The following LOXL1 variants were observed in gnomAD, a reference collection of about 807,000 sequenced individuals.
The protein encoded by LOXL1 is lysyl oxidase homolog 1.
A neutral mutation model predicts 62.2 loss-of-function variants in LOXL1; 31 were observed. The observed-to-expected ratio is 0.50, with a 90% CI of 0.37 to 0.67. The LOEUF (loss-of-function observed/expected upper bound fraction) is 0.67. Ranked by LOEUF, LOXL1 falls within the 30% of genes least tolerant of loss-of-function variation. LOXL1 has a pLI of 0.00. For synonymous variants in LOXL1, 403 were observed against 384.4 expected (o/e 1.05, Z -0.56); for missense variants, 775 against 843.4 (o/e 0.92, Z 1.00).
intron 2 of LOXL1, among the ~76,000 whole-genome samples, chr15:73,943,991 A>T (rs997656677): frequency 6.6e-6 from 1 of 152,244 alleles, no homozygotes; most frequent in African/African-American, 2.4e-5. Flanking sequence ...CTTGCTTTAA[A>T]AAAAGAAAAA....
intron 1 of LOXL1, chr15:73,942,013 G>A (rs1398710227): frequency 1.9e-5 from 4 of 210,050 alleles, no homozygotes; most frequent in Middle Eastern, 5.6e-4. Context: ...TCCCCTGGGC[G>A]CTTGACCCCA....
chr15:73,949,793 C>T (rs907335695), intron 6 of LOXL1, among the ~76,000 whole-genome samples: 1 of 152,058 alleles, frequency 6.6e-6, no homozygotes, highest in Non-Finnish European at 1.5e-5. Context: ...GGGCTGCATC[C>T]TGTGGCTCCC....
intron 6 of LOXL1, among the ~76,000 whole-genome samples, chr15:73,950,229 C>T (rs2068774486): frequency 6.6e-6 from 1 of 151,482 alleles, no homozygotes; most frequent in Non-Finnish European, 1.5e-5. Context: ...TGCAGAGGGA[C>T]CCCTTGCTTA....
At chr15:73,940,846 G>A (rs1053496513) in intron 1 of LOXL1, among the ~76,000 whole-genome samples, 4 of 152,182 alleles carry the variant, frequency 2.6e-5, no homozygotes, top group African/African-American at 4.8e-5. Context: ...TCTTCCTCCC[G>A]CTCCTCCAAC....
At position 73,951,923 on chromosome 15, in the gene LOXL1, C is replaced by G; in HGVS notation, c.*86C>G. 7.7e-7 allele frequency: 1 copy of G among 1,299,914 alleles called. No individual in the cohort carries two copies. The highest frequency in any genetic ancestry group is 2.9e-5 in the East Asian group (1 of 35,060). 80.5% of individuals were successfully genotyped at this position (1,299,914 alleles called of 1,614,324 possible). ...AGCCTCCCGCCGAGGGGCCCAGCCCCCAACCCACAGGCACGGAGGGGCATC... is the reference window on the plus strand; with the variant it reads ...AGCCTCCCGCCGAGGGGCCCAGCCCGCAACCCACAGGCACGGAGGGGCATC... On this transcript the variant is annotated 3_prime_UTR_variant, in exon 7 of 7. Coordinates refer to ENST00000261921, the MANE Select transcript of LOXL1 (RefSeq NM_005576.4).
At chr15:73,938,876 G>A (rs777896196) in intron 1 of LOXL1, among the ~76,000 whole-genome samples, 1 of 152,126 alleles carries the variant, frequency 6.6e-6, no homozygotes, top group Non-Finnish European at 1.5e-5. Flanking sequence ...GCAAGACCCT[G>A]TCTCAAAGAA....
chr15:73,946,680 G>C, intron 3 of LOXL1, 126 bp downstream of exon 3: 1 of 1,178,914 alleles, frequency 8.5e-7, no homozygotes, highest in Non-Finnish European at 1.2e-6. Flanking sequence ...AGGGCCCGGG[G>C]AGGTGTTACC....
intron 4 of LOXL1, 71 bp downstream of exon 4, chr15:73,947,294 T>C: frequency 6.6e-7 from 1 of 1,510,714 alleles, no homozygotes; most frequent in East Asian, 2.3e-5. Context: ...CGAGGCCCGC[T>C]GAGGCCCGGC....
intron 1 of LOXL1, among the ~76,000 whole-genome samples, chr15:73,934,041 A>C (rs778225040): frequency 1.6e-4 from 24 of 152,244 alleles, no homozygotes; most frequent in Non-Finnish European, 3.4e-4. Context: ...GAGGGGTGTC[A>C]GAATGCCAAA....
chr15:73,946,035 G>A (rs558594582), intron 2 of LOXL1, among the ~76,000 whole-genome samples: 6 of 152,238 alleles, frequency 3.9e-5, no homozygotes, highest in East Asian at 1.9e-4. Context: ...CCTGGCCCCC[G>A]CAATAGGGCT....
At chr15:73,947,981 G>C (rs923730908) in intron 5 of LOXL1, 79 bp downstream of exon 5, 1 of 1,079,772 alleles carries the variant, frequency 9.3e-7, no homozygotes, top group Non-Finnish European at 1.4e-6. Context: ...AGAAGCTTCA[G>C]CCTCTGGGCC....
At position 73,926,871 on chromosome 15, in the gene LOXL1, C is replaced by G; in HGVS notation, c.88C>G (p.Pro30Ala). ...CVLVHGQQAQPGQGSDPARWR... is the reference protein window; with the variant it reads ...CVLVHGQQAQAGQGSDPARWR... ...GCTGGTGCACGGGCAGCAGGCGCAGCCCGGGCAGGGCTCGGACCCCGCCCG... is the reference window on the plus strand; with the variant it reads ...GCTGGTGCACGGGCAGCAGGCGCAGGCCGGGCAGGGCTCGGACCCCGCCCG... Residue 30 changes from proline (P) to alanine (A), a missense_variant, in exon 1 of 7, where the codon CCC (proline) becomes GCC (alanine). By Grantham distance (27) the Pro-to-Ala change is conservative. Transcript: ENST00000261921. The G allele has an allele frequency of 6.4e-7, 1 of 1,553,790 alleles. No individual in the cohort carries two copies. The highest frequency in any genetic ancestry group is 8.7e-7 in the Non-Finnish European group (1 of 1,149,210).
rs924964663 is a variant in LOXL1 at position 73,927,364 on chromosome 15, C to T, written c.581C>T (p.Ala194Val). 6.3e-7 allele frequency: 1 copy of T among 1,587,790 alleles called. No homozygotes were observed. Among genetic ancestry groups the T allele is most frequent in the Non-Finnish European group, 8.6e-7 (1 of 1,168,400 alleles). The change falls in exon 1 of 7, where the codon GCG (alanine) becomes GTG (valine). Residue 194 changes from alanine to valine, a missense_variant. By Grantham distance (64) the Ala-to-Val change is moderately conservative. Transcript: ENST00000261921. ...FVSQYENYDPASRTYDQGFVY... is the reference protein window; with the variant it reads ...FVSQYENYDPVSRTYDQGFVY... ...AGCCAGTACGAGAACTACGACCCCG[C>T]GTCGCGGACCTACGACCAGGGTTTC... is the stretch of plus-strand genomic sequence containing the variant.
chr15:73,946,600 G>C (rs1259504962), intron 3 of LOXL1, 46 bp downstream of exon 3: 7 of 1,562,978 alleles, frequency 4.5e-6, no homozygotes, highest in African/African-American at 1.4e-5. Context: ...TTCTCCTCTG[G>C]GCCAGGGACC....
At chr15:73,950,863 C>T (rs2068779907) in intron 6 of LOXL1, among the ~76,000 whole-genome samples, 1 of 152,236 alleles carries the variant, frequency 6.6e-6, no homozygotes, top group African/African-American at 2.4e-5. Context: ...AAAATGGGAA[C>T]AGCAGCCTCC....
intron 6 of LOXL1, among the ~76,000 whole-genome samples, chr15:73,949,934 T>A (rs192262286): frequency 2.0e-4 from 30 of 152,274 alleles, no homozygotes; most frequent in Middle Eastern, 3.4e-3. Flanking sequence ...TTTCCTCAAC[T>A]ATAAAATAGG....
chr15:73,935,934 G>GGTGTGTGT (rs3056338), intron 1 of LOXL1, among the ~76,000 whole-genome samples: 16,244 of 131,734 alleles, frequency 0.12, 1,218 homozygotes, highest in Admixed American at 0.2. Context: ...AGGTAGAGCT[G>GGTGTGTGT]GTGTGTGTGT....
intron 1 of LOXL1, 36 bp downstream of exon 1, chr15:73,927,921 AC>A: frequency 7.7e-7 from 1 of 1,291,154 alleles, no homozygotes; most frequent in Non-Finnish European, 9.8e-7. Context: ...GGCCGCGCGT[AC>A]CCCTGGCCAC....
intron 1 of LOXL1, among the ~76,000 whole-genome samples, chr15:73,938,202 C>T (rs1336801293): frequency 6.6e-6 from 1 of 152,002 alleles, no homozygotes; most frequent in East Asian, 1.9e-4. Flanking sequence ...ATTGCTTGAA[C>T]CCGGGAGGTG....
Sources: allele counts gnomAD v4.1 joint callset (sites outside exome capture counted in the v4.1 genomes callset), GRCh38; gene constraint gnomAD v4.1.1; transcripts MANE v1.5; gene names NCBI Gene and HGNC (gene_info 2026-07-23, HGNC 2026-07-21).